GATAD2B: variants seen among roughly 807,000 people sequenced by gnomAD.
GATAD2B encodes the protein GATA zinc finger domain containing 2B.
GATAD2B carries 8 observed loss-of-function variants against 64.3 expected under a neutral mutation model. The observed-to-expected ratio is 0.12, with a 90% CI of 0.07 to 0.22. The LOEUF is 0.22. Ranked by LOEUF, GATAD2B falls within the 10% of genes least tolerant of loss-of-function variation. The pLI is 1.00. For missense variants in GATAD2B, 453 were observed against 752.0 expected, an observed-to-expected ratio of 0.60 and a Z score of 4.65; for synonymous variants, 281 against 271.3, an observed-to-expected ratio of 1.04 and a Z score of -0.35.
chr1:153,882,134 A>G (rs1349310178), intron 1 of GATAD2B, among the ~76,000 whole-genome samples: 3 of 152,148 alleles, frequency 2.0e-5, no homozygotes, highest in Non-Finnish European at 4.4e-5. Context: ...GTGGTACAAA[A>G]AAGTCTGTTA....
chr1:153,919,679 G>A (rs923049330), intron 1 of GATAD2B, among the ~76,000 whole-genome samples: 2 of 152,198 alleles, frequency 1.3e-5, no homozygotes, highest in Admixed American at 6.5e-5. Flanking sequence ...CCTAGGCTTA[G>A]CCAAAAGCAG....
intron 1 of GATAD2B, among the ~76,000 whole-genome samples, chr1:153,830,507 G>A (rs1171614372): frequency 2.3e-5 from 3 of 128,136 alleles, no homozygotes; most frequent in Admixed American, 8.6e-5. Context: ...ACAGAGTCTC[G>A]CTCTGTCGCC....
chr1:153,890,504 A>AG (rs1677348064), intron 1 of GATAD2B: 1 of 151,402 alleles, frequency 6.6e-6, no homozygotes, highest in Non-Finnish European at 1.5e-5. Flanking sequence ...AAAAAAAAAA[A>AG]CGACAGAACA....
rs1674242351 is a variant in GATAD2B, at chr1:153,810,084, C to G, written c.*93G>C. 2.5e-6 allele frequency: 3 copies of G among 1,223,700 alleles called. No individual in the cohort carries two copies. Among genetic ancestry groups the G allele is most frequent in the African/African-American group, 1.6e-5 (1 of 64,200 alleles). 75.8% of individuals were successfully genotyped at this position (1,223,700 alleles called of 1,614,324 possible). ...TTTTGCTTTCCGTGTATGGTAGGCA[C>G]CAGTACAGGCACTGCATGCGACAGA... On this transcript the variant is annotated 3_prime_UTR_variant, in exon 11 of 11. Coordinates refer to ENST00000368655, the MANE Select transcript of GATAD2B (RefSeq NM_020699.4).
chr1:153,894,091 T>G (rs187974385), intron 1 of GATAD2B, among the ~76,000 whole-genome samples: 1 of 152,008 alleles, frequency 6.6e-6, no homozygotes, highest in East Asian at 1.9e-4. Context: ...AAGCTTGTAG[T>G]TGAACACAAA....
chr1:153,848,095 T>C (rs978158112), intron 1 of GATAD2B, among the ~76,000 whole-genome samples: 2 of 152,184 alleles, frequency 1.3e-5, no homozygotes, highest in African/African-American at 2.4e-5. Context: ...GTGTTGAGAA[T>C]CATCCCCTCA....
rs566310721 is a variant in GATAD2B at position 153,838,003 on chromosome 1, T to C, written c.-1-9655A>G. Among the ~76,000 whole-genome samples, 34 of 152,318 alleles carry C rather than the reference T, an allele frequency of 2.2e-4. No homozygotes were observed. The South Asian group carries it at 6.4e-3, about 29-fold the overall frequency. On this transcript the variant is annotated intron_variant, in intron 1 of 10. Transcript: ENST00000368655. Reference sequence around the variant, plus strand: ...TATATATTTTTTTTCTCCATTCCAGTTGGAGAAGAAACTTACTTAAATCTT... The same window carrying C: ...TATATATTTTTTTTCTCCATTCCAGCTGGAGAAGAAACTTACTTAAATCTT...
intron 5 of GATAD2B, 119 bp downstream of exon 5, chr1:153,817,921 C>G: frequency 2.5e-6 from 2 of 805,630 alleles, no homozygotes; most frequent in Middle Eastern, 3.9e-4. Context: ...ACAGAACAAT[C>G]AGTAGTAATA....
intron 1 of GATAD2B, among the ~76,000 whole-genome samples, chr1:153,904,886 T>C (rs1677880433): frequency 6.6e-6 from 1 of 152,152 alleles, no homozygotes; most frequent in South Asian, 2.1e-4. Flanking sequence ...TTTCTATTTT[T>C]AGTAGAGACG....
intron 2 of GATAD2B, among the ~76,000 whole-genome samples, chr1:153,824,950 G>A (rs150759680): frequency 6.6e-6 from 1 of 152,186 alleles, no homozygotes; most frequent in South Asian, 2.1e-4. Flanking sequence ...GCTGGGTACA[G>A]GGGCACACGC....
intron 2 of GATAD2B, among the ~76,000 whole-genome samples, chr1:153,821,172 G>A (rs888388092): frequency 6.6e-6 from 1 of 151,630 alleles, no homozygotes; most frequent in Admixed American, 6.6e-5. Flanking sequence ...TGTAAGGGGT[G>A]GGGGTCTTGC....
At chr1:153,861,492 T>C (rs1249330829) in intron 1 of GATAD2B, among the ~76,000 whole-genome samples, 1 of 151,310 alleles carries the variant, frequency 6.6e-6, no homozygotes, top group Non-Finnish European at 1.5e-5. Context: ...TTAAGTTATA[T>C]ATTTAAAAAA....
chr1:153,846,237 T>C lies in GATAD2B; in HGVS notation c.-1-17889A>G, dbSNP rs556172217. Among the ~76,000 whole-genome samples, 50 of 152,258 alleles carry C rather than the reference T, an allele frequency of 3.3e-4. No individual in the cohort carries two copies. In the South Asian group the frequency reaches 0.01, roughly 31 times the overall value. On this transcript the variant is annotated intron_variant, in intron 1 of 10. Transcript: ENST00000368655. ...ACCTTGCTTGTTCTGTGCTTCCTTC[T>C]TGCTATGTTTGTTTTGAGACAGTCT...
At chr1:153,893,263 A>G (rs1267146653) in intron 1 of GATAD2B, among the ~76,000 whole-genome samples, 1 of 152,184 alleles carries the variant, frequency 6.6e-6, no homozygotes. Flanking sequence ...AGGATTTGGT[A>G]TAGTAGGCAG....
In GATAD2B at chr1:153,851,449, TA is replaced by T. The variant is rs1176876480; in HGVS notation, c.-1-23102del. 2.6e-5 allele frequency among the ~76,000 whole-genome samples: 4 copies of T among 151,928 alleles called. No individual in the cohort carries two copies. The East Asian group carries it at 7.7e-4, about 29-fold the overall frequency. On this transcript the variant is annotated intron_variant, in intron 1 of 10. Transcript: ENST00000368655. ...CCAATTTCTTCACTCCCTTGCCACTTAAAAAAAATAGCCATCTTGACATTGA... is the reference window on the plus strand; with the variant it reads ...CCAATTTCTTCACTCCCTTGCCACTTAAAAAAATAGCCATCTTGACATTGA...
intron 1 of GATAD2B, among the ~76,000 whole-genome samples, chr1:153,877,017 A>G (rs893561118): frequency 6.6e-6 from 1 of 151,928 alleles, no homozygotes; most frequent in African/African-American, 2.4e-5. Context: ...CTCCGCCTCA[A>G]AAAAGAAAAG....
chr1:153,829,946 TA>T (rs1675017727), intron 1 of GATAD2B, among the ~76,000 whole-genome samples: 2 of 151,590 alleles, frequency 1.3e-5, no homozygotes, highest in South Asian at 4.2e-4. Flanking sequence ...CTAAAAATAC[TA>T]AAATTAGGCA....
At chr1:153,864,122 A>G (rs1208304908) in intron 1 of GATAD2B, among the ~76,000 whole-genome samples, 2 of 152,222 alleles carry the variant, frequency 1.3e-5, no homozygotes, top group East Asian at 1.9e-4. Flanking sequence ...ATTTGTACAC[A>G]CACACATACT....
chr1:153,857,486 C>T (rs1676127609), intron 1 of GATAD2B, among the ~76,000 whole-genome samples: 1 of 151,998 alleles, frequency 6.6e-6, no homozygotes, highest in Admixed American at 6.6e-5. Context: ...ATATAGTGTC[C>T]CTTCATAGAA....
Sources: allele counts gnomAD v4.1 joint callset (sites outside exome capture counted in the v4.1 genomes callset), GRCh38; gene constraint gnomAD v4.1.1; transcripts MANE v1.5; gene names NCBI Gene and HGNC (gene_info 2026-07-23, HGNC 2026-07-21).